Variants in BDNF observed in about 807,000 individuals in gnomAD.
BDNF encodes neurotrophic factor BDNF precursor form.
A neutral mutation model predicts 19.5 loss-of-function variants in BDNF; 1 was observed. The ratio of observed to expected loss-of-function variants is 0.05; its 90% CI spans 0.02 to 0.24. BDNF has a LOEUF of 0.24. BDNF is among the 10% of genes least tolerant of loss of function. The pLI, the probability that BDNF is intolerant of heterozygous loss-of-function variation, is 1.00. For missense variants in BDNF, 195 were observed against 317.6 expected (o/e 0.61, Z 2.93); for synonymous variants, 100 against 121.6 (o/e 0.82, Z 1.17).
chr11:27,664,286 T>C (rs986447883), intron 1 of BDNF, among the ~76,000 whole-genome samples: 4 of 152,228 alleles, frequency 2.6e-5, no homozygotes, highest in Non-Finnish European at 5.9e-5. Flanking sequence ...TATATCCATA[T>C]GTTAGACTTC....
intron 1 of BDNF, among the ~76,000 whole-genome samples, chr11:27,670,204 A>T (rs535595739): frequency 6.6e-6 from 1 of 152,362 alleles, no homozygotes; most frequent in South Asian, 2.1e-4. Flanking sequence ...CTGGCTAGCC[A>T]TATGTAGAAA....
chr11:27,706,270 A>T (rs1478542563), intron 1 of BDNF, among the ~76,000 whole-genome samples: 1 of 152,210 alleles, frequency 6.6e-6, no homozygotes, highest in Non-Finnish European at 1.5e-5. Flanking sequence ...AATATGATAG[A>T]TAGACCTATA....
At chr11:27,659,237 A>G in intron 1 of BDNF, 1 of 991,302 alleles carries the variant, frequency 1.0e-6, no homozygotes, top group Non-Finnish European at 1.2e-6. Flanking sequence ...AGGTAAGGAA[A>G]CCAAAGGCCA....
At chr11:27,669,677 A>ATACT (rs1855007946) in intron 1 of BDNF, among the ~76,000 whole-genome samples, 1 of 152,222 alleles carries the variant, frequency 6.6e-6, no homozygotes, top group African/African-American at 2.4e-5. Flanking sequence ...AGAGAATAAA[A>ATACT]TACTTAGGAA....
At chr11:27,700,536 C>A, upstream of BDNF, 1 of 723,726 alleles carries the variant, frequency 1.4e-6, no homozygotes, top group Non-Finnish European at 1.7e-6. Context: ...CCCCCCCCGC[C>A]CCCCGCCCCC....
chr11:27,670,140 C>G (rs1453057080), intron 1 of BDNF, among the ~76,000 whole-genome samples: 1 of 152,074 alleles, frequency 6.6e-6, no homozygotes, highest in African/African-American at 2.4e-5. Context: ...ACAAACCTGA[C>G]AAAAACAAGA....
At chr11:27,660,786 A>G (rs11030103) in intron 1 of BDNF, among the ~76,000 whole-genome samples, 17,128 of 151,768 alleles carry the variant, frequency 0.11, 2,426 homozygotes, top group African/African-American at 0.3. Flanking sequence ...AAAAAAAAAA[A>G]AGAATTAATG....
intron 1 of BDNF, chr11:27,676,847 G>C (rs530344480): frequency 6.6e-6 from 1 of 152,326 alleles, no homozygotes; most frequent in African/African-American, 2.4e-5. Flanking sequence ...TGAGAAAAGA[G>C]CATTGAAAGC....
chr11:27,656,524 C>T lies in BDNF; in HGVS notation c.*1297G>A. ...TCTCAAATACCATGCCCCACCTCCA[C>T]CTAGACCTTGGGATGGCCACTCAGA... On this transcript the variant is annotated 3_prime_UTR_variant, in exon 2 of 2. Coordinates refer to ENST00000356660, the MANE Select transcript of BDNF (RefSeq NM_001709.5). 1 of 984,872 alleles carries T rather than the reference C, an allele frequency of 1.0e-6. No homozygotes were observed. Among genetic ancestry groups the T allele is most frequent in the Non-Finnish European group, 1.2e-6 (1 of 829,088 alleles). The allele number at this position is 984,872 out of a possible 1,614,324, so 61.0% of individuals were successfully genotyped here. A position where few individuals can be genotyped will look rare whatever the true frequency, so the allele number is the denominator to read the frequency against.
At chr11:27,709,251 C>T (rs1860234045) in intron 1 of BDNF, among the ~76,000 whole-genome samples, 1 of 152,060 alleles carries the variant, frequency 6.6e-6, no homozygotes. Flanking sequence ...AGCTGTTGTC[C>T]AATCTCAGAT....
intron 1 of BDNF, chr11:27,659,761 C>T (rs952149688): frequency 6.3e-6 from 5 of 795,272 alleles, no homozygotes; most frequent in Non-Finnish European, 7.7e-6. Flanking sequence ...TTTGAAGTTT[C>T]CTGGGAAGTC....
Position 27,657,446 on chromosome 11 carries a change from T to G in BDNF, c.*375A>C. ...AAACGGAATGTTTTGGTTCAAATTT[T>G]TGTTGTGTGTGTGTGTGTTTTTTTT... On this transcript the variant is annotated 3_prime_UTR_variant, in exon 2 of 2. Coordinates refer to ENST00000356660, the MANE Select transcript of BDNF (RefSeq NM_001709.5). The surrounding 1 kb of genome is among the most constrained non-coding windows in gnomAD (Gnocchi z 5.0). 1 of 1,024,972 alleles carries G rather than the reference T, an allele frequency of 9.8e-7. No individual in the cohort carries two copies. The highest frequency in any genetic ancestry group is 1.8e-5 in the African/African-American group (1 of 55,654). The allele number at this position is 1,024,972 out of a possible 1,614,324, so 63.5% of individuals were successfully genotyped here.
At chr11:27,660,291 T>C in intron 1 of BDNF, 1 of 1,174,740 alleles carries the variant, frequency 8.5e-7, no homozygotes, top group Non-Finnish European at 1.1e-6. Flanking sequence ...ACAAAAAAAT[T>C]TCTTTTAGAT....
At chr11:27,709,103 A>G (rs1282437911) in intron 1 of BDNF, among the ~76,000 whole-genome samples, 1 of 152,152 alleles carries the variant, frequency 6.6e-6, no homozygotes, top group Non-Finnish European at 1.5e-5. Context: ...AGCTGGGATT[A>G]CAGGCATGAG....
rs773773442 is a variant in BDNF, at chr11:27,658,444, C to G, written c.121G>C (p.Gly41Arg). Residue 41 changes from glycine to arginine, a missense_variant, in exon 2 of 2, where the codon GGG (glycine) becomes CGG (arginine). Around this residue, in one of 2 missense-constraint regions of BDNF, gnomAD observed 124 missense variants for 155.0 expected, o/e 0.80. Transcript: ENST00000356660. This position sits in a 1 kb window ranked among gnomAD's most constrained non-coding sequence, Gnocchi z 5.7. ...GLAYPGVRTH[G>R]TLESVNGPKA... ...GGCCCATTCACGCTCTCCAGAGTCC[C>G]ATGGGTCCGCACACCTGGGTAGGCC... 6.2e-6 allele frequency: 10 copies of G among 1,614,204 alleles called. No homozygotes were observed. The highest frequency in any genetic ancestry group is 8.5e-6 in the Non-Finnish European group (10 of 1,180,046).
chr11:27,695,657 G>A lies in BDNF; in HGVS notation c.-22+4507C>T, dbSNP rs147210337. The stretch of plus-strand genomic sequence containing the variant: ...CGTTCCTTACTCTCTAGGCTCTCTG[G>A]AAATAAACTTTTACTTTATTATGGC... On this transcript the variant is annotated intron_variant, in intron 1 of 1. Coordinates refer to ENST00000356660, the MANE Select transcript of BDNF (RefSeq NM_001709.5). Among the ~76,000 whole-genome samples the A allele has an allele frequency of 1.1e-3, 163 of 152,180 alleles. 4 individuals are homozygous for A. The East Asian group carries it at 0.028, about 26-fold the overall frequency.
At chr11:27,697,164 C>CACAGAGAGAGAGAGAGAGAGAG in intron 1 of BDNF, among the ~76,000 whole-genome samples, 2 of 133,166 alleles carry the variant, frequency 1.5e-5, no homozygotes, top group Middle Eastern at 3.8e-3. Context: ...CACACACACA[C>CACAGAGAGAGAGAGAGAGAGAG]AGAGAGAGAG....
intron 1 of BDNF, among the ~76,000 whole-genome samples, chr11:27,691,409 C>G (rs973516832): frequency 6.6e-6 from 1 of 152,048 alleles, no homozygotes; most frequent in African/African-American, 2.4e-5. Context: ...AATTAATGCA[C>G]GGTGAATTAA....
upstream of BDNF, among the ~76,000 whole-genome samples, chr11:27,702,962 C>T (rs752379988): frequency 7.9e-5 from 12 of 152,108 alleles, no homozygotes; most frequent in Non-Finnish European, 1.3e-4. Flanking sequence ...TCATTCAGAG[C>T]GCCTTTGCAA....
Sources: gnomAD v4.1 joint callset for allele counts (sites outside exome capture counted in the v4.1 genomes callset) on GRCh38, gnomAD v4.1.1 for gene constraint, gnomAD v4.1.1 regional missense constraint, Gnocchi (gnomAD v3.1) non-coding constraint, MANE v1.5 for transcripts, NCBI Gene and HGNC (gene_info 2026-07-23, HGNC 2026-07-21) for gene names.